Variants in VSIG10 observed in about 807,000 individuals in gnomAD.
The protein encoded by VSIG10 is V-set and immunoglobulin domain containing 10.
VSIG10 carries 48 observed loss-of-function variants against 58.7 expected under a neutral mutation model. The observed-to-expected ratio is 0.82, with a 90% CI of 0.65 to 1.04. The LOEUF is 1.04. VSIG10 is among the 50% of genes least tolerant of loss of function. The pLI is 0.00. For synonymous variants in VSIG10, 260 were observed against 267.1 expected (o/e 0.97, Z 0.26); for missense variants, 628 against 670.0 (o/e 0.94, Z 0.69).
chr12:118,073,561 A>G (rs2032585350), intron 5 of VSIG10, 138 bp downstream of exon 5: 3 of 994,444 alleles, frequency 3.0e-6, no homozygotes, highest in South Asian at 4.1e-5. Context: ...CACCTTGTCA[A>G]GTCATAAGCA....
rs549196404 is a variant in VSIG10, at chr12:118,085,419, A to C, written c.362-2990T>G. 2.6e-5 allele frequency among the ~76,000 whole-genome samples: 4 copies of C among 152,310 alleles called. No homozygotes were observed. The East Asian group carries it at 7.7e-4, about 29-fold the overall frequency. ...GAGCTGGTTCCATTGTTCCCCAAAC[A>C]CTTGTTTGGCCTGAGAAAAACAGAC... On this transcript the variant is annotated intron_variant, in intron 2 of 8. Transcript: ENST00000359236.
intron 3 of VSIG10, among the ~76,000 whole-genome samples, chr12:118,080,826 C>T (rs2032922907): frequency 1.3e-5 from 2 of 152,264 alleles, no homozygotes; most frequent in South Asian, 4.1e-4. Flanking sequence ...AACAGGCAAA[C>T]CCACAGGGAC....
At chr12:118,098,247 G>T (rs920071003) in intron 1 of VSIG10, among the ~76,000 whole-genome samples, 1 of 146,730 alleles carries the variant, frequency 6.8e-6, no homozygotes, top group Non-Finnish European at 1.5e-5. Context: ...CTCTCTCTCC[G>T]CCTCTCCCTC....
intron 1 of VSIG10, among the ~76,000 whole-genome samples, chr12:118,096,502 T>G (rs2033461807): frequency 1.4e-5 from 2 of 145,508 alleles, no homozygotes; most frequent in Admixed American, 1.4e-4. Context: ...CGCTTGAACC[T>G]GGGAAGCAGA....
At chr12:118,073,178 C>G (rs1434367389) in intron 5 of VSIG10, among the ~76,000 whole-genome samples, 2 of 152,126 alleles carry the variant, frequency 1.3e-5, no homozygotes, top group Non-Finnish European at 1.5e-5. Flanking sequence ...CTGCCCATCT[C>G]AGCCTCCCAA....
At chr12:118,099,733 T>C (rs1326504608) in intron 1 of VSIG10, among the ~76,000 whole-genome samples, 2 of 152,220 alleles carry the variant, frequency 1.3e-5, no homozygotes, top group African/African-American at 4.8e-5. Flanking sequence ...AAATTATATC[T>C]GAATAAAGCT....
intron 4 of VSIG10, among the ~76,000 whole-genome samples, chr12:118,075,161 T>C (rs1384739044): frequency 2.9e-5 from 2 of 68,402 alleles, no homozygotes; most frequent in Non-Finnish European, 5.6e-5. Flanking sequence ...TGTATATATA[T>C]GTATATATAT....
intron 4 of VSIG10, among the ~76,000 whole-genome samples, chr12:118,076,954 C>T (rs957692749): frequency 1.1e-4 from 16 of 152,280 alleles, no homozygotes; most frequent in African/African-American, 2.4e-4. Flanking sequence ...CCACCACGCC[C>T]GGCCTTCTCC....
chr12:118,086,300 C>T (rs12426192), intron 2 of VSIG10, among the ~76,000 whole-genome samples: 75,287 of 151,502 alleles, frequency 0.5, 19,147 homozygotes, highest in Middle Eastern at 0.63. Context: ...AAACCCTGTC[C>T]CTACTAAAAA....
intron 3 of VSIG10, 66 bp downstream of exon 3, chr12:118,082,061 G>A (rs907105639): frequency 3.9e-5 from 53 of 1,344,664 alleles, no homozygotes; most frequent in African/African-American, 8.9e-5. Context: ...AGGCACAAAC[G>A]TGCAGTTCAT....
Position 118,082,151 on chromosome 12 carries a change from C to A in VSIG10, c.640G>T (p.Val214Leu). Residue 214 changes from valine to leucine, a missense_variant, in exon 3 of 9, where the codon GTG (valine) becomes TTG (leucine). Physicochemically the swap from Val to Leu is conservative, Grantham distance 32. Transcript: ENST00000359236. ...LNQLSKRHRK[V>L]TTELLVYYPP... The stretch of plus-strand genomic sequence containing the variant: ...CAGTAGACCAGGAGCTCGGTGGTCA[C>A]CTTTCGATGTCTCTTGCTGAGCTGA... 1 of 1,613,816 alleles carries A rather than the reference C, an allele frequency of 6.2e-7. No homozygotes were observed. Among genetic ancestry groups the A allele is most frequent in the Non-Finnish European group, 8.5e-7 (1 of 1,179,822 alleles).
intron 6 of VSIG10, 106 bp from the exon 7 acceptor site, chr12:118,071,173 C>T: frequency 7.4e-7 from 1 of 1,350,446 alleles, no homozygotes; most frequent in Non-Finnish European, 1.0e-6. Flanking sequence ...AGAAAACTGA[C>T]TCAATATGAC....
intron 3 of VSIG10, 146 bp downstream of exon 3, chr12:118,081,981 C>T: frequency 3.2e-6 from 3 of 933,918 alleles, no homozygotes; most frequent in East Asian, 2.7e-5. Flanking sequence ...CGCAACTTTG[C>T]ACTCCAGCCT....
chr12:118,100,941 C>A (rs1297990105), intron 1 of VSIG10, among the ~76,000 whole-genome samples: 1 of 152,224 alleles, frequency 6.6e-6, no homozygotes, highest in Non-Finnish European at 1.5e-5. Context: ...GTTCATGCAA[C>A]CTGCAGACCT....
At position 118,082,392 on chromosome 12, in the gene VSIG10, G is replaced by T. The variant is rs774101950; in HGVS notation, c.399C>A (p.Thr133=). 6.2e-7 allele frequency: 1 copy of T among 1,613,286 alleles called. No homozygotes were observed. The highest frequency in any genetic ancestry group is 8.5e-7 in the Non-Finnish European group (1 of 1,179,468). ...AGAGGGTGCCGTTGGGGAGTGTGCC[G>T]GTGGCCACGATGTGGACCTCAATCT... is the stretch of plus-strand genomic sequence containing the variant. ...PYQIEVHIVA[T]GTLPNGTLYA... is the part of the protein sequence containing the mutation. Residue 133 remains threonine (T), a synonymous_variant, in exon 3 of 9, where the codon ACC becomes ACA. Transcript: ENST00000359236.
intron 2 of VSIG10, among the ~76,000 whole-genome samples, chr12:118,089,223 A>T (rs949802471): frequency 1.3e-5 from 2 of 152,118 alleles, no homozygotes; most frequent in African/African-American, 4.8e-5. Flanking sequence ...TGCTGGGATT[A>T]CAGGCATGAG....
At chr12:118,083,278 C>CA (rs769106087) in intron 2 of VSIG10, among the ~76,000 whole-genome samples, 2 of 151,264 alleles carry the variant, frequency 1.3e-5, no homozygotes, top group African/African-American at 2.4e-5. Context: ...CCAATCTCTA[C>CA]AAAAAATTTA....
At chr12:118,091,335 A>C (rs2033290620) in intron 2 of VSIG10, among the ~76,000 whole-genome samples, 1 of 151,958 alleles carries the variant, frequency 6.6e-6, no homozygotes, top group South Asian at 2.1e-4. Context: ...TACTAAAAAT[A>C]CAAAAAATTA....
intron 4 of VSIG10, among the ~76,000 whole-genome samples, chr12:118,075,082 GTATA>G (rs1015617520): frequency 6.7e-6 from 1 of 148,676 alleles, no homozygotes; most frequent in Non-Finnish European, 1.5e-5. Context: ...AAAAAGCATA[GTATA>G]TATATGTATA....
Sources: allele counts gnomAD v4.1 joint callset (sites outside exome capture counted in the v4.1 genomes callset), GRCh38; gene constraint gnomAD v4.1.1; transcripts MANE v1.5; gene names NCBI Gene and HGNC (gene_info 2026-07-23, HGNC 2026-07-21).